The following TMEM163 variants were observed in gnomAD, a reference collection of about 807,000 sequenced individuals.
The protein encoded by TMEM163 is transmembrane protein 163.
In TMEM163, 17 loss-of-function variants were observed where a neutral mutation model predicts 29.3. That is an observed-to-expected ratio of 0.58 (90% CI 0.40 to 0.87). TMEM163 has a LOEUF of 0.87. TMEM163 is among the 40% of genes least tolerant of loss of function. TMEM163 has a pLI of 0.00. For missense variants in TMEM163, 303 were observed against 381.5 expected (o/e 0.79, Z 1.71); for synonymous variants, 157 against 160.6 (o/e 0.98, Z 0.17).
chr2:134,598,892 G>A (rs975643600), intron 2 of TMEM163, among the ~76,000 whole-genome samples: 1 of 148,752 alleles, frequency 6.7e-6, no homozygotes, highest in Non-Finnish European at 1.5e-5. Flanking sequence ...CTACACTCCA[G>A]CCTGGGTGAC....
intron 6 of TMEM163, chr2:134,458,937 C>T (rs1283627840): frequency 1.4e-5 from 2 of 143,290 alleles, no homozygotes; most frequent in East Asian, 4.8e-4. Flanking sequence ...CACAGCAGCC[C>T]ACTGGGGCTC....
chr2:134,462,166 C>G (rs1183586880), intron 6 of TMEM163, among the ~76,000 whole-genome samples: 1 of 109,766 alleles, frequency 9.1e-6, no homozygotes, highest in East Asian at 4.5e-4. Context: ...CTCTCTGTCT[C>G]TCTCTCTCAT....
intron 2 of TMEM163, among the ~76,000 whole-genome samples, chr2:134,617,616 A>G (rs1017892364): frequency 6.6e-6 from 1 of 151,662 alleles, no homozygotes; most frequent in African/African-American, 2.4e-5. Context: ...AAAAAAAAAA[A>G]TCAGAGGAAT....
chr2:134,661,953 A>G (rs1683763325), intron 2 of TMEM163, among the ~76,000 whole-genome samples: 1 of 80,880 alleles, frequency 1.2e-5, no homozygotes, highest in African/African-American at 5.9e-5. Context: ...TTTTTTTGAG[A>G]TGGAGTCTTG....
At chr2:134,594,252 G>GAAAA (rs780448308) in intron 2 of TMEM163, among the ~76,000 whole-genome samples, 40 of 150,314 alleles carry the variant, frequency 2.7e-4, no homozygotes, top group Non-Finnish European at 8.9e-5. Context: ...GAGAAAGGGG[G>GAAAA]AGAAAGAGAG....
Position 134,503,058 on chromosome 2 carries a change from C to A in TMEM163, c.459-61G>T, listed in dbSNP as rs992695032. The A allele has an allele frequency of 1.8e-5, 27 of 1,459,862 alleles. No individual in the cohort carries two copies. The African/African-American group carries it at 3.5e-4, about 19-fold the overall frequency. 90.4% of individuals were successfully genotyped at this position (1,459,862 alleles called of 1,614,324 possible). On this transcript the variant is annotated intron_variant, in intron 4 of 7. Transcript: ENST00000281924. The stretch of plus-strand genomic sequence containing the variant: ...AGAACTCACACTGCTGAAGAGTCCA[C>A]ACAATTGACAGTGACAAAGACACAA...
At chr2:134,689,912 C>T (rs534663366) in intron 2 of TMEM163, among the ~76,000 whole-genome samples, 2 of 146,116 alleles carry the variant, frequency 1.4e-5, no homozygotes, top group African/African-American at 5.1e-5. Context: ...TGCTCCTTTG[C>T]GGTTTGTTTG....
chr2:134,597,166 G>T (rs1682106349), intron 2 of TMEM163, among the ~76,000 whole-genome samples: 1 of 152,170 alleles, frequency 6.6e-6, no homozygotes, highest in African/African-American at 2.4e-5. Flanking sequence ...TAGGAGTGGT[G>T]AGAGAGGGCA....
At chr2:134,694,054 G>C (rs1489480797) in intron 2 of TMEM163, among the ~76,000 whole-genome samples, 2 of 152,138 alleles carry the variant, frequency 1.3e-5, no homozygotes, top group Non-Finnish European at 2.9e-5. Flanking sequence ...ACTTTTCTGA[G>C]TCTTAAAATC....
intron 2 of TMEM163, among the ~76,000 whole-genome samples, chr2:134,661,802 CT>C (rs1438807600): frequency 1.5e-4 from 22 of 151,628 alleles, no homozygotes; most frequent in African/African-American, 4.9e-4. Flanking sequence ...GGCCCTAGTT[CT>C]GCATATTTTC....
chr2:134,536,843 T>A (rs955074145), intron 4 of TMEM163, among the ~76,000 whole-genome samples: 3 of 152,158 alleles, frequency 2.0e-5, no homozygotes, highest in African/African-American at 7.2e-5. Context: ...GTAAGAGCCA[T>A]AGCTCTAGGT....
chr2:134,657,099 T>C (rs552268291), intron 2 of TMEM163, among the ~76,000 whole-genome samples: 92 of 152,284 alleles, frequency 6.0e-4, no homozygotes, highest in Admixed American at 9.2e-4. Context: ...GTGATGCTGG[T>C]TTCACAGAAT....
At chr2:134,520,297 CA>C (rs1224983466) in intron 4 of TMEM163, among the ~76,000 whole-genome samples, 2 of 152,224 alleles carry the variant, frequency 1.3e-5, no homozygotes, top group Non-Finnish European at 2.9e-5. Flanking sequence ...AAGTCCACCG[CA>C]ATGCCCTAAT....
At chr2:134,623,279 A>G (rs939533769) in intron 2 of TMEM163, among the ~76,000 whole-genome samples, 1 of 152,198 alleles carries the variant, frequency 6.6e-6, no homozygotes, top group Admixed American at 6.5e-5. Context: ...TGCAGACCTC[A>G]GACAAATTCT....
rs74841418 is a variant in TMEM163 at position 134,658,491 on chromosome 2, G to A, written c.322+54709C>T. 3.3e-3 allele frequency among the ~76,000 whole-genome samples: 508 copies of A among 152,200 alleles called. 3 individuals are homozygous for A. The highest frequency in any genetic ancestry group is 0.012 in the African/African-American group (478 of 41,518). On this transcript the variant is annotated intron_variant, in intron 2 of 7. Transcript: ENST00000281924. ...CTGGTGTTGTTCTGAGTATTGGTAT[G>A]AGCAAAGCAGAGCCTATGCCCCAGT...
At chr2:134,505,239 CTTTTTTT>C (rs78772358) in intron 4 of TMEM163, among the ~76,000 whole-genome samples, 4 of 130,234 alleles carry the variant, frequency 3.1e-5, no homozygotes, top group Non-Finnish European at 6.3e-5. Context: ...TGGGGAATTC[CTTTTTTT>C]TTTTTTTTTT....
chr2:134,631,801 AG>A (rs1482989868), intron 2 of TMEM163, among the ~76,000 whole-genome samples: 1 of 152,276 alleles, frequency 6.6e-6, no homozygotes, highest in Non-Finnish European at 1.5e-5. Context: ...CTGAATGAGA[AG>A]CCTGTTACAT....
Position 134,481,384 on chromosome 2 carries a change from G to T in TMEM163, c.556-15159C>A, listed in dbSNP as rs945617200. On this transcript the variant is annotated intron_variant, in intron 5 of 7. Coordinates refer to ENST00000281924, the MANE Select transcript of TMEM163 (RefSeq NM_030923.5). ...TGGGAGGTAATTGAATCATGGGGGG[G>T]GGGGGAGCTTTTCCTGTGCTATTCT... Among the ~76,000 whole-genome samples the T allele has an allele frequency of 8.6e-5, 13 of 151,532 alleles. 1 individual carries two copies. The highest frequency in any genetic ancestry group is 2.4e-4 in the African/African-American group (10 of 41,300).
intron 5 of TMEM163, among the ~76,000 whole-genome samples, chr2:134,493,720 A>G (rs888283090): frequency 1.3e-5 from 2 of 151,854 alleles, no homozygotes; most frequent in Non-Finnish European, 2.9e-5. Flanking sequence ...GATTGCAACA[A>G]TTTTCTCTTT....
Sources: gnomAD v4.1 joint callset for allele counts (sites outside exome capture counted in the v4.1 genomes callset) on GRCh38, gnomAD v4.1.1 for gene constraint, MANE v1.5 for transcripts, NCBI Gene and HGNC (gene_info 2026-07-23, HGNC 2026-07-21) for gene names.